The following HDLBP variants were observed in gnomAD, a reference collection of about 807,000 sequenced individuals.
HDLBP encodes the protein high density lipoprotein binding protein.
Under a neutral mutation model 137.3 loss-of-function variants are expected in HDLBP, and 30 were observed. The observed-to-expected ratio is 0.22, with a 90% CI of 0.16 to 0.30. The LOEUF is 0.30. Ranked by LOEUF, HDLBP falls within the 10% of genes least tolerant of loss-of-function variation. The probability of loss-of-function intolerance (pLI) is 1.00; values close to 1 mark genes in which losing one functional copy is unlikely to be tolerated. For synonymous variants in HDLBP, 606 were observed against 596.0 expected, an observed-to-expected ratio of 1.02 and a Z score of -0.24; for missense variants, 1,119 against 1,667.3, an observed-to-expected ratio of 0.67 and a Z score of 5.73.
intron 12 of HDLBP, among the ~76,000 whole-genome samples, chr2:241,249,073 T>A (rs1574912118): frequency 6.6e-6 from 1 of 151,978 alleles, no homozygotes; most frequent in African/African-American, 2.4e-5. Context: ...GAACCTGGAA[T>A]ATGAGACTGG....
At chr2:241,246,906 G>A (rs760452759) in intron 15 of HDLBP, 23 bp from the exon 16 acceptor site, 10 of 1,613,600 alleles carry the variant, frequency 6.2e-6, no homozygotes, top group South Asian at 5.5e-5. Context: ...AGATCACCAT[G>A]AGAAGCTGAC....
intron 1 of HDLBP, among the ~76,000 whole-genome samples, chr2:241,296,953 C>T (rs193192953): frequency 1.3e-5 from 2 of 152,324 alleles, no homozygotes; most frequent in East Asian, 1.9e-4. Flanking sequence ...TGCGTCAGCA[C>T]GAAGGCAGTC....
At position 241,255,386 on chromosome 2, in the gene HDLBP, T is replaced by A; in HGVS notation, c.1068A>T (p.Glu356Asp). The A allele has an allele frequency of 4.3e-6, 7 of 1,614,076 alleles. No individual in the cohort carries two copies. The highest frequency in any genetic ancestry group is 5.1e-6 in the Non-Finnish European group (6 of 1,179,952). ...EPEKLGQALT[E>D]VYAKANSFTV... is the part of the protein sequence containing the mutation. Reference sequence around the variant, plus strand: ...CGGAGGCAGTTACCTTGGCATAGACTTCAGTCAACGCCTGACCTAACTTTT... The same window carrying A: ...CGGAGGCAGTTACCTTGGCATAGACATCAGTCAACGCCTGACCTAACTTTT... Residue 356 changes from glutamate to aspartate, a missense_variant, in exon 8 of 28, where the codon GAA (glutamate) becomes GAT (aspartate). Coordinates refer to ENST00000310931, the MANE Select transcript of HDLBP (RefSeq NM_005336.6).
At chr2:241,285,762 C>T (rs1485883439) in intron 1 of HDLBP, among the ~76,000 whole-genome samples, 2 of 152,216 alleles carry the variant, frequency 1.3e-5, no homozygotes, top group Non-Finnish European at 2.9e-5. Flanking sequence ...GACATGGTGA[C>T]TCATGCCTAT....
At chr2:241,253,540 C>T (rs1208419442) in intron 9 of HDLBP, 43 bp from the exon 10 acceptor site, 4 of 1,362,248 alleles carry the variant, frequency 2.9e-6, no homozygotes. Context: ...CAGAATGGCA[C>T]AGCTGCAGCC....
chr2:241,229,784 G>GGGCGCCCCCCCCCCC, intron 27 of HDLBP, 49 bp downstream of exon 27: 1 of 1,502,548 alleles, frequency 6.7e-7, no homozygotes, highest in Non-Finnish European at 9.1e-7. Context: ...AAGCCCGCCT[G>GGGCGCCCCCCCCCCC]CCCGCCCACC....
chr2:241,248,215 A>G, intron 13 of HDLBP, 29 bp downstream of exon 13: 2 of 1,577,742 alleles, frequency 1.3e-6, no homozygotes, highest in South Asian at 1.1e-5. Flanking sequence ...ACTCCTATAG[A>G]GTTACAGAAT....
Position 241,233,799 on chromosome 2 carries a change from C to G in HDLBP, c.3288+21G>C. ...TCAACAAGCACCTCTGCCCCCGACA[C>G]GCTCCAACCGAGGCTCTCACCTGGT... On this transcript the variant is annotated intron_variant, in intron 24 of 27. Coordinates refer to ENST00000310931, the MANE Select transcript of HDLBP (RefSeq NM_005336.6). This position sits in a 1 kb window ranked among gnomAD's most constrained non-coding sequence, Gnocchi z 4.3. 6.2e-7 allele frequency: 1 copy of G among 1,613,856 alleles called. No individual in the cohort carries two copies. The highest frequency in any genetic ancestry group is 1.1e-5 in the South Asian group (1 of 91,068).
chr2:241,269,006 G>C (rs186593144), intron 1 of HDLBP: 1 of 152,368 alleles, frequency 6.6e-6, no homozygotes, highest in African/African-American at 2.4e-5. Context: ...GTGACCAAGA[G>C]CTACCGTCTT....
At chr2:241,292,699 G>A (rs1200681856) in intron 1 of HDLBP, among the ~76,000 whole-genome samples, 1 of 152,200 alleles carries the variant, frequency 6.6e-6, no homozygotes, top group African/African-American at 2.4e-5. Context: ...AATATTGGGA[G>A]TGGGCAGGGC....
rs184303744 is a variant in HDLBP, at chr2:241,263,032, C to T, written c.235-106G>A. The stretch of plus-strand genomic sequence containing the variant: ...TCACCATCCACTCACAAAGCAGCCC[C>T]ACCCTGCCCACAGGCACTGCTCGAA... On this transcript the variant is annotated intron_variant, in intron 4 of 27. Transcript: ENST00000310931. 75 of 839,822 alleles carry T rather than the reference C, an allele frequency of 8.9e-5. No individual in the cohort carries two copies. In the African/African-American group the frequency reaches 1.1e-3, roughly 13 times the overall value. 52.0% of individuals were successfully genotyped at this position (839,822 alleles called of 1,614,324 possible).
intron 1 of HDLBP, among the ~76,000 whole-genome samples, chr2:241,295,767 C>G (rs1342129671): frequency 2.6e-5 from 4 of 151,988 alleles, no homozygotes. Flanking sequence ...TAAATGCCAC[C>G]CGTGACAGAC....
chr2:241,262,958 A>G, intron 4 of HDLBP, 32 bp from the exon 5 acceptor site: 1 of 1,540,594 alleles, frequency 6.5e-7, no homozygotes, highest in Non-Finnish European at 9.0e-7. Context: ...AGGAAAGGTT[A>G]AGAGATTAAA....
rs2149579375 is a variant in HDLBP, at chr2:241,272,023, A to T, written c.-102-3482T>A. 4.5e-6 allele frequency: 1 copy of T among 222,686 alleles called. No homozygotes were observed. Among genetic ancestry groups the T allele is most frequent in the Non-Finnish European group, 7.5e-6 (1 of 132,642 alleles). 13.8% of individuals were successfully genotyped at this position (222,686 alleles called of 1,614,324 possible). ...AGGGCCCGCGGGCGGGGACAGGCTT[A>T]AAGGGACAGCAACCCCTCGGCCTCC... On this transcript the variant is annotated intron_variant, in intron 1 of 27. Transcript: ENST00000310931. This position sits in a 1 kb window ranked among gnomAD's most constrained non-coding sequence, Gnocchi z 5.6.
chr2:241,295,980 G>A (rs2075164111), intron 1 of HDLBP, among the ~76,000 whole-genome samples: 1 of 151,994 alleles, frequency 6.6e-6, no homozygotes, highest in South Asian at 2.1e-4. Context: ...CCAAATGTGT[G>A]GTAATTTGTT....
chr2:241,247,436 G>A (rs1284156464), intron 14 of HDLBP: 4 of 417,946 alleles, frequency 9.6e-6, no homozygotes, highest in South Asian at 9.5e-5. Context: ...GAGACAGCAC[G>A]GACCCCTACG....
At position 241,239,586 on chromosome 2, in the gene HDLBP, G is replaced by A; in HGVS notation, c.2610+16C>T. The A allele has an allele frequency of 6.2e-7, 1 of 1,608,858 alleles. No homozygotes were observed. Among genetic ancestry groups the A allele is most frequent in the South Asian group, 1.1e-5 (1 of 90,976 alleles). On this transcript the variant is annotated intron_variant, in intron 19 of 27. Transcript: ENST00000310931. The surrounding 1 kb of genome is among the most constrained non-coding windows in gnomAD (Gnocchi z 4.6). ...CTGGGGGGTGAGAACCCCTCCCCGA[G>A]CACCCAAGTGCCTACCAGGTCCTCA...
In HDLBP at chr2:241,246,768, G is replaced by C. The variant is rs2071714707; in HGVS notation, c.1934C>G (p.Ser645Cys). ...TCCCATTACCAGGTCTTTCTGAATA[G>C]ACAGAATCCTGCTCCGGGCAGCTTC... ...NCEAARSRIL[S>C]IQKDLANIAE... Residue 645 changes from serine (S) to cysteine (C), a missense_variant, in exon 16 of 28, where the codon TCT (serine) becomes TGT (cysteine). Ser to Cys is a moderately radical substitution (Grantham distance 112). This residue lies in a region of HDLBP where 425 missense variants were observed against 693.9 expected (regional missense o/e 0.61). Transcript: ENST00000310931. 1.2e-6 allele frequency: 2 copies of C among 1,614,006 alleles called. No individual in the cohort carries two copies. Among genetic ancestry groups the C allele is most frequent in the Non-Finnish European group, 1.7e-6 (2 of 1,179,994 alleles).
At chr2:241,312,342 G>A (rs1253149156) in intron 1 of HDLBP, among the ~76,000 whole-genome samples, 1 of 152,152 alleles carries the variant, frequency 6.6e-6, no homozygotes, top group Admixed American at 6.5e-5. Flanking sequence ...TAAAACAATA[G>A]CCTACTAGGG....
Sources: allele counts gnomAD v4.1 joint callset (sites outside exome capture counted in the v4.1 genomes callset), GRCh38; gene constraint gnomAD v4.1.1; regional missense constraint gnomAD v4.1.1; non-coding constraint Gnocchi (gnomAD v3.1); transcripts MANE v1.5; gene names NCBI Gene and HGNC (gene_info 2026-07-23, HGNC 2026-07-21).